ANKRD36C: variants seen among roughly 807,000 people sequenced by gnomAD.
The protein encoded by ANKRD36C is ankyrin repeat domain-containing protein 36C.
A neutral mutation model predicts 276.4 loss-of-function variants in ANKRD36C; 61 were observed. That is an observed-to-expected ratio of 0.22 (90% CI 0.18 to 0.27). The LOEUF (loss-of-function observed/expected upper bound fraction) is 0.27, where lower values mean the gene tolerates loss of function less well. Ranked by LOEUF, ANKRD36C falls within the 10% of genes least tolerant of loss-of-function variation. The probability of loss-of-function intolerance (pLI) is 1.00; values close to 1 mark genes in which losing one functional copy is unlikely to be tolerated. For synonymous variants in ANKRD36C, 483 were observed against 680.1 expected (o/e 0.71, Z 4.51); for missense variants, 1,447 against 2,032.3 (o/e 0.71, Z 5.54).
chr2:95,980,521 G>A, intron 5 of ANKRD36C, 127 bp downstream of exon 5: 1 of 1,340,278 alleles, frequency 7.5e-7, no homozygotes, highest in Non-Finnish European at 9.8e-7. Context: ...TTAAAAACTT[G>A]AAAATTTGTC....
intron 26 of ANKRD36C, among the ~76,000 whole-genome samples, chr2:95,928,291 C>T (rs925233192): frequency 6.6e-6 from 1 of 151,546 alleles, no homozygotes. Flanking sequence ...CATTAAATAG[C>T]TATTTTATCC....
chr2:95,886,043 A>G lies in ANKRD36C; in HGVS notation c.3163+5T>C. 1 of 1,607,966 alleles carries G rather than the reference A, an allele frequency of 6.2e-7. No individual in the cohort carries two copies. Among genetic ancestry groups the G allele is most frequent in the Non-Finnish European group, 8.5e-7 (1 of 1,176,756 alleles). ...ACATTACATTAAAGGTGTATTCCAAAATACCTGTCCCACGTATTTGTCCAT... is the reference window on the plus strand; with the variant it reads ...ACATTACATTAAAGGTGTATTCCAAGATACCTGTCCCACGTATTTGTCCAT... On this transcript the variant is annotated splice_donor_5th_base_variant and intron_variant, in intron 52 of 66. Coordinates refer to ENST00000456556, the Ensembl canonical transcript of ANKRD36C.
At position 95,927,089 on chromosome 2, in the gene ANKRD36C, A is replaced by G. The variant is rs140371180; in HGVS notation, c.1939+125T>C. 2.9e-3 allele frequency: 3,998 copies of G among 1,382,648 alleles called. 169 individuals carry two copies. The East Asian group carries it at 0.084, about 29-fold the overall frequency. 85.6% of individuals were successfully genotyped at this position (1,382,648 alleles called of 1,614,324 possible). The stretch of plus-strand genomic sequence containing the variant: ...AGCATCAGTGTCACCTGAGAACTGA[A>G]GAATCTCAGGCCTGCTGAATCAGAA... On this transcript the variant is annotated intron_variant, in intron 28 of 66. Coordinates refer to ENST00000456556, the Ensembl canonical transcript of ANKRD36C.
At chr2:95,859,621 A>C (rs1300095416) in intron 61 of ANKRD36C, among the ~76,000 whole-genome samples, 3 of 152,174 alleles carry the variant, frequency 2.0e-5, no homozygotes, top group Non-Finnish European at 2.9e-5. Context: ...AGATTTCCAA[A>C]GGGTAAAATT....
intron 40 of ANKRD36C, 137 bp from the exon 43 acceptor site, chr2:95,912,572 G>C: frequency 6.6e-7 from 1 of 1,519,746 alleles, no homozygotes; most frequent in Non-Finnish European, 8.9e-7. Flanking sequence ...TTTTGTGTCT[G>C]GGGACCAGAA....
At chr2:95,962,639 C>T in intron 6 of ANKRD36C, 92 bp from the exon 7 acceptor site, 1 of 1,478,634 alleles carries the variant, frequency 6.8e-7, no homozygotes, top group South Asian at 1.2e-5. Flanking sequence ...GCTGTATCCT[C>T]CTGCCCCTAT....
intron 42 of ANKRD36C, chr2:95,910,393 T>A (rs1439346473): frequency 2.6e-6 from 4 of 1,546,366 alleles, no homozygotes; most frequent in African/African-American, 1.4e-5. Flanking sequence ...TTTTTCTCCA[T>A]CCTTTTCTTC....
Position 95,971,132 on chromosome 2 carries a change from C to T in ANKRD36C, c.799+6990G>A, listed in dbSNP as rs561821079. Among the ~76,000 whole-genome samples, 15 of 152,086 alleles carry T rather than the reference C, an allele frequency of 9.9e-5. No homozygotes were observed. In the East Asian group the frequency reaches 1.2e-3, roughly 12 times the overall value. ...ATGTTATCCTTAATATATGACTATGCTGGACATATCAAAACTATGGGGACA... is the reference window on the plus strand; with the variant it reads ...ATGTTATCCTTAATATATGACTATGTTGGACATATCAAAACTATGGGGACA... On this transcript the variant is annotated intron_variant, in intron 6 of 66. Coordinates refer to ENST00000456556, the Ensembl canonical transcript of ANKRD36C.
Position 95,938,001 on chromosome 2 carries a change from C to A in ANKRD36C, c.1633+828G>T, listed in dbSNP as rs757637610. On this transcript the variant is annotated intron_variant, in intron 22 of 66. Transcript: ENST00000456556. ...AGTCATAAAACAAAACAAAGATGACCAAACTGTGTCAACCTGGACAGATCT... is the reference window on the plus strand; with the variant it reads ...AGTCATAAAACAAAACAAAGATGACAAAACTGTGTCAACCTGGACAGATCT... Among the ~76,000 whole-genome samples the A allele has an allele frequency of 1.8e-4, 28 of 151,898 alleles. No homozygotes were observed. The Middle Eastern group carries it at 0.017, about 92-fold the overall frequency.
chr2:95,938,611 T>C (rs1209433433), intron 22 of ANKRD36C, among the ~76,000 whole-genome samples: 2 of 152,292 alleles, frequency 1.3e-5, no homozygotes, highest in Non-Finnish European at 2.9e-5. Context: ...TGATGACAAC[T>C]TTAAAGGAAA....
chr2:95,880,218 A>G (rs1676045874), intron 58 of ANKRD36C, among the ~76,000 whole-genome samples: 1 of 152,188 alleles, frequency 6.6e-6, no homozygotes, highest in Non-Finnish European at 1.5e-5. Context: ...AAACAAAACA[A>G]AACAAAAACC....
chr2:95,959,234 T>C (rs918112912), intron 10 of ANKRD36C, among the ~76,000 whole-genome samples: 16 of 151,980 alleles, frequency 1.1e-4, no homozygotes, highest in African/African-American at 3.6e-4. Context: ...TGCCTGACAA[T>C]TGAGCAGGTA....
At chr2:95,870,627 T>A (rs1675786133) in intron 59 of ANKRD36C, among the ~76,000 whole-genome samples, 1 of 152,304 alleles carries the variant, frequency 6.6e-6, no homozygotes, top group Non-Finnish European at 1.5e-5. Context: ...TCCAAAGGAA[T>A]GCAGTTCCTC....
rs975358506 is a variant in ANKRD36C, at chr2:95,921,489, A to G, written c.2245+118T>C. ...CAAATGAAGACTCTCAGGCCTACTG[A>G]ATCAGAATGTGCAGCTTCGGCGAGC... is the stretch of plus-strand genomic sequence containing the variant. On this transcript the variant is annotated intron_variant, in intron 34 of 66. Coordinates refer to ENST00000456556, the Ensembl canonical transcript of ANKRD36C. The G allele has an allele frequency of 8.7e-6, 12 of 1,380,496 alleles. No individual in the cohort carries two copies. The East Asian group carries it at 1.3e-4, about 14-fold the overall frequency. The allele number at this position is 1,380,496 out of a possible 1,614,324, so 85.5% of individuals were successfully genotyped here. A position where few individuals can be genotyped will look rare whatever the true frequency, so the allele number is the denominator to read the frequency against.
intron 22 of ANKRD36C, among the ~76,000 whole-genome samples, chr2:95,936,441 AT>A (rs1248509399): frequency 1.3e-5 from 2 of 152,268 alleles, no homozygotes; most frequent in African/African-American, 4.8e-5. Context: ...AGTGCATCAC[AT>A]TTTGCTAACA....
At chr2:95,925,287 T>G in intron 30 of ANKRD36C, 65 bp downstream of exon 30, 2 of 1,544,632 alleles carry the variant, frequency 1.3e-6, no homozygotes, top group Non-Finnish European at 1.7e-6. Flanking sequence ...ACTGATCTAT[T>G]CAGGGGTGGG....
intron 4 of ANKRD36C, among the ~76,000 whole-genome samples, chr2:95,981,584 T>G (rs2918841): frequency 6.0e-5 from 9 of 150,530 alleles, no homozygotes; most frequent in East Asian, 1.9e-4. Context: ...TCAGCACCTT[T>G]CTCTGTTAGC....
Position 95,902,223 on chromosome 2 carries a change from C to A in ANKRD36C, c.2654-2887G>T, listed in dbSNP as rs561713959. ...ATGTATCTCTGATGCCTCCTAGTAA[C>A]CAAGAGGAGTAATGAGTCAGTGTGG... On this transcript the variant is annotated intron_variant, in intron 42 of 66. Transcript: ENST00000456556. Among the ~76,000 whole-genome samples, 24 of 149,396 alleles carry A rather than the reference C, an allele frequency of 1.6e-4. No homozygotes were observed. The South Asian group carries it at 4.4e-3, about 28-fold the overall frequency.
chr2:95,973,240 C>A (rs565791328), intron 6 of ANKRD36C, among the ~76,000 whole-genome samples: 1 of 151,948 alleles, frequency 6.6e-6, no homozygotes, highest in African/African-American at 2.4e-5. Context: ...GGTGAAACCC[C>A]GTCTCTACTA....
Sources: gnomAD v4.1 joint callset for allele counts (sites outside exome capture counted in the v4.1 genomes callset) on GRCh38, gnomAD v4.1.1 for gene constraint, MANE v1.5 for transcripts, NCBI Gene and HGNC (gene_info 2026-07-23, HGNC 2026-07-21) for gene names.